Variants in RYR3 observed in about 807,000 individuals in gnomAD.
The protein encoded by RYR3 is ryanodine receptor 3.
A neutral mutation model predicts 584.3 loss-of-function variants in RYR3; 207 were observed. The ratio of observed to expected loss-of-function variants is 0.35; its 90% CI spans 0.32 to 0.40. The LOEUF (loss-of-function observed/expected upper bound fraction) is 0.40, where lower values mean the gene tolerates loss of function less well. RYR3 is among the 10% of genes least tolerant of loss of function. The pLI, the probability that RYR3 is intolerant of heterozygous loss-of-function variation, is 1.00. For missense variants in RYR3, 5,616 were observed against 6,089.2 expected, an observed-to-expected ratio of 0.92 and a Z score of 2.59; for synonymous variants, 2,416 against 2,248.5, an observed-to-expected ratio of 1.07 and a Z score of -2.11.
At chr15:33,820,454 C>T (rs997678882) in intron 77 of RYR3, among the ~76,000 whole-genome samples, 3 of 152,338 alleles carry the variant, frequency 2.0e-5, no homozygotes, top group South Asian at 4.1e-4. Flanking sequence ...CTCCCATTTA[C>T]ACCAGAACCT....
intron 44 of RYR3, 25 bp from the exon 45 acceptor site, chr15:33,724,040 A>C: frequency 7.2e-7 from 1 of 1,391,370 alleles, no homozygotes; most frequent in South Asian, 1.2e-5. Context: ...CCTTCCTCAC[A>C]CCTCCCCTCT....
At chr15:33,802,924 G>A (rs904527046) in intron 69 of RYR3, among the ~76,000 whole-genome samples, 1 of 152,228 alleles carries the variant, frequency 6.6e-6, no homozygotes, top group Non-Finnish European at 1.5e-5. Context: ...CTGGAAAGAT[G>A]AGAATCATGG....
intron 31 of RYR3, among the ~76,000 whole-genome samples, chr15:33,651,111 CT>C (rs1410419640): frequency 6.6e-6 from 1 of 152,176 alleles, no homozygotes; most frequent in African/African-American, 2.4e-5. Context: ...TGAACATTAA[CT>C]GACATTTTAG....
intron 16 of RYR3, among the ~76,000 whole-genome samples, chr15:33,587,089 T>C (rs1268744572): frequency 6.6e-6 from 1 of 152,100 alleles, no homozygotes; most frequent in Non-Finnish European, 1.5e-5. Context: ...ATAGACTGTA[T>C]GACATGCATC....
At chr15:33,524,567 T>C (rs1296268132) in intron 3 of RYR3, among the ~76,000 whole-genome samples, 1 of 152,192 alleles carries the variant, frequency 6.6e-6, no homozygotes, top group Non-Finnish European at 1.5e-5. Flanking sequence ...ATGGACTTCC[T>C]TATGGCCCTT....
chr15:33,607,343 C>T (rs1257181208), intron 18 of RYR3, among the ~76,000 whole-genome samples: 2 of 152,136 alleles, frequency 1.3e-5, no homozygotes, highest in Non-Finnish European at 2.9e-5. Context: ...ATCATATTAT[C>T]GGGTTTGGAA....
At chr15:33,324,868 G>T (rs1969475043) in intron 1 of RYR3, among the ~76,000 whole-genome samples, 2 of 152,168 alleles carry the variant, frequency 1.3e-5, no homozygotes, top group Non-Finnish European at 2.9e-5. Context: ...ATCCACTGGG[G>T]ATCTGGGGAC....
chr15:33,373,515 CTGT>C (rs1471498753), intron 1 of RYR3, among the ~76,000 whole-genome samples: 3 of 152,200 alleles, frequency 2.0e-5, no homozygotes, highest in Non-Finnish European at 2.9e-5. Flanking sequence ...GAAAAAATAA[CTGT>C]TGTTATTAGA....
At chr15:33,835,323 A>G (rs964405572) in intron 87 of RYR3, among the ~76,000 whole-genome samples, 1 of 151,982 alleles carries the variant, frequency 6.6e-6, no homozygotes, top group Admixed American at 6.6e-5. Flanking sequence ...TACCCTTATT[A>G]TTGCCTCAAC....
At chr15:33,765,867 G>A (rs1158134941) in intron 60 of RYR3, among the ~76,000 whole-genome samples, 1 of 152,142 alleles carries the variant, frequency 6.6e-6, no homozygotes, top group Non-Finnish European at 1.5e-5. Flanking sequence ...ACATCATGAT[G>A]TTTTAAATTC....
intron 38 of RYR3, among the ~76,000 whole-genome samples, chr15:33,695,947 CTTTTTTTTTTT>C (rs1165160004): frequency 3.1e-5 from 3 of 95,456 alleles, no homozygotes; most frequent in African/African-American, 8.1e-5. Flanking sequence ...CCACACCCAG[CTTTTTTTTTTT>C]TTTTTTTTTT....
In RYR3 at chr15:33,750,356, C is replaced by G; in HGVS notation, c.8399+70C>G. The G allele has an allele frequency of 3.3e-6, 5 of 1,492,570 alleles. No individual in the cohort carries two copies. The South Asian group carries it at 3.7e-5, about 11-fold the overall frequency. 92.5% of individuals were successfully genotyped at this position (1,492,570 alleles called of 1,614,324 possible). Reference sequence around the variant, plus strand: ...CCCTAGATATTTAATTACGTGCCTACAAAACCCATCCAAGTAAGGAGAACA... The same window carrying G: ...CCCTAGATATTTAATTACGTGCCTAGAAAACCCATCCAAGTAAGGAGAACA... On this transcript the variant is annotated intron_variant, in intron 57 of 103. Coordinates refer to ENST00000634891, the MANE Select transcript of RYR3 (RefSeq NM_001036.6).
At chr15:33,859,773 T>C in intron 100 of RYR3, 42 bp downstream of exon 100, 1 of 1,552,814 alleles carries the variant, frequency 6.4e-7, no homozygotes, top group South Asian at 1.2e-5. Flanking sequence ...GGGTTTAATC[T>C]AGTTCTTTTT....
At chr15:33,799,895 T>G (rs1238838040) in intron 67 of RYR3, among the ~76,000 whole-genome samples, 1 of 151,966 alleles carries the variant, frequency 6.6e-6, no homozygotes, top group Non-Finnish European at 1.5e-5. Flanking sequence ...AACCCCACAT[T>G]TGATATCAGA....
At chr15:33,759,186 G>A (rs570770227) in intron 60 of RYR3, among the ~76,000 whole-genome samples, 2 of 152,234 alleles carry the variant, frequency 1.3e-5, no homozygotes, top group South Asian at 4.1e-4. Flanking sequence ...ACGAAGATGG[G>A]GAAAACAGCA....
chr15:33,816,817 GT>G (rs1211103965), intron 74 of RYR3, 44 bp from the exon 75 acceptor site: 1 of 1,303,278 alleles, frequency 7.7e-7, no homozygotes, highest in South Asian at 1.3e-5. Flanking sequence ...AAAAGAACAA[GT>G]TCCATGGATC....
chr15:33,789,361 GGAA>G (rs2074948869), intron 67 of RYR3, among the ~76,000 whole-genome samples: 1 of 151,792 alleles, frequency 6.6e-6, no homozygotes, highest in African/African-American at 2.4e-5. Context: ...CAGCAGGGAA[GGAA>G]GAAGACCAGT....
At chr15:33,542,776 T>C (rs1470404995) in intron 7 of RYR3, among the ~76,000 whole-genome samples, 1 of 152,158 alleles carries the variant, frequency 6.6e-6, no homozygotes, top group Non-Finnish European at 1.5e-5. Flanking sequence ...ATTAAGTTCA[T>C]ATGTCTCCTG....
intron 1 of RYR3, among the ~76,000 whole-genome samples, chr15:33,331,472 TTA>T (rs2140673756): frequency 6.6e-6 from 1 of 152,292 alleles, no homozygotes; most frequent in South Asian, 2.1e-4. Context: ...ATTAATTGTT[TTA>T]CTAGAAATAG....
Sources: gnomAD v4.1 joint callset for allele counts (sites outside exome capture counted in the v4.1 genomes callset) on GRCh38, gnomAD v4.1.1 for gene constraint, MANE v1.5 for transcripts, NCBI Gene and HGNC (gene_info 2026-07-23, HGNC 2026-07-21) for gene names.